The following GLIS3 variants were observed in gnomAD, a reference collection of about 807,000 sequenced individuals.
GLIS3 encodes GLIS family zinc finger 3.
Under a neutral mutation model 78.6 loss-of-function variants are expected in GLIS3, and 53 were observed. The ratio of observed to expected loss-of-function variants is 0.67; its 90% CI spans 0.54 to 0.85. The LOEUF is 0.85. Among genes scored for constraint, GLIS3 ranks in the 40% least tolerant of loss-of-function variants. The pLI, the probability that GLIS3 is intolerant of heterozygous loss-of-function variation, is 0.00. For synonymous variants in GLIS3, 684 were observed against 509.9 expected (o/e 1.34, Z -4.60); for missense variants, 1,703 against 1,231.1 (o/e 1.38, Z -5.74).
In GLIS3 at chr9:3,829,312, G is replaced by A. The variant is rs1164727475; in HGVS notation, c.2654C>T (p.Thr885Ile). 4 of 1,613,814 alleles carry A rather than the reference G, an allele frequency of 2.5e-6. No individual in the cohort carries two copies. Among genetic ancestry groups the A allele is most frequent in the East Asian group, 2.2e-5 (1 of 44,832 alleles). The change falls in exon 10 of 11, where the codon ACA (threonine) becomes ATA (isoleucine). Residue 885 changes from threonine (T) to isoleucine (I), a missense_variant and splice_region_variant. Physicochemically the swap from Thr to Ile is moderately conservative, Grantham distance 89. Transcript: ENST00000381971. Reference protein sequence around the residue: ...HRAFSTHSGITVYDLPSSSSS... With the variant: ...HRAFSTHSGIIVYDLPSSSSS... ...TAAGTCACAGACAACCAACACACCT[G>A]TAATGCCCGAGTGAGTCGAGAAGGC...
chr9:4,360,825 C>CA, the GLIS3 span, among the ~76,000 whole-genome samples: 2 of 152,214 alleles, frequency 1.3e-5, no homozygotes, highest in African/African-American at 4.8e-5. Context: ...TGGGAGCAGG[C>CA]ATTTCCTAGC....
chr9:4,152,291 T>G (rs1834744491), intron 2 of GLIS3: 4 of 165,638 alleles, frequency 2.4e-5, no homozygotes, highest in South Asian at 2.0e-4. Flanking sequence ...ACGACGGGGT[T>G]GCCAGGATAT....
intron 4 of GLIS3, among the ~76,000 whole-genome samples, chr9:4,077,065 C>T (rs1315726940): frequency 1.3e-5 from 2 of 150,716 alleles, no homozygotes; most frequent in Non-Finnish European, 2.9e-5. Context: ...TCTAAAAAAA[C>T]AATAACAACG....
At chr9:4,392,849 A>C in the GLIS3 span, among the ~76,000 whole-genome samples, 1 of 152,154 alleles carries the variant, frequency 6.6e-6, no homozygotes, top group Admixed American at 6.5e-5. Flanking sequence ...TTACACATAG[A>C]TGCCCTTTGC....
At chr9:4,224,941 T>C (rs1821642255) in intron 2 of GLIS3, among the ~76,000 whole-genome samples, 1 of 151,982 alleles carries the variant, frequency 6.6e-6, no homozygotes, top group Admixed American at 6.6e-5. Flanking sequence ...TCACTATGAG[T>C]ATCGTTATCA....
intron 1 of GLIS3, among the ~76,000 whole-genome samples, chr9:4,299,190 A>G (rs1243101369): frequency 6.6e-6 from 1 of 152,226 alleles, no homozygotes; most frequent in Non-Finnish European, 1.5e-5. Context: ...ACATGGTTTG[A>G]ACCCTAATTG....
chr9:3,919,038 G>C (rs1375665799), intron 6 of GLIS3, among the ~76,000 whole-genome samples: 1 of 152,184 alleles, frequency 6.6e-6, no homozygotes, highest in African/African-American at 2.4e-5. Flanking sequence ...ATGGGGGACA[G>C]TGACCATGTG....
chr9:4,449,184 G>A, the GLIS3 span, among the ~76,000 whole-genome samples: 57 of 152,284 alleles, frequency 3.7e-4, no homozygotes, highest in South Asian at 1.2e-3. Flanking sequence ...GCATGGCTTG[G>A]CGGATCCCAA....
intron 4 of GLIS3, among the ~76,000 whole-genome samples, chr9:4,003,946 T>TGG (rs1363611343): frequency 6.6e-6 from 1 of 152,218 alleles, no homozygotes; most frequent in Admixed American, 6.5e-5. Flanking sequence ...TTTTCATTAG[T>TGG]ACATTCCACT....
chr9:4,411,203 C>T, the GLIS3 span, among the ~76,000 whole-genome samples: 1 of 152,174 alleles, frequency 6.6e-6, no homozygotes, highest in Non-Finnish European at 1.5e-5. Context: ...AATTCACTCA[C>T]ACTTTTTCTC....
At chr9:4,148,351 T>C (rs7030351) in intron 2 of GLIS3, among the ~76,000 whole-genome samples, 101,119 of 151,812 alleles carry the variant, frequency 0.67, 34,075 homozygotes, top group South Asian at 0.73. Context: ...AAATCCCTGG[T>C]CACCACATCC....
upstream of GLIS3, among the ~76,000 whole-genome samples, chr9:4,302,930 G>A (rs138542092): frequency 2.2e-4 from 34 of 152,236 alleles, no homozygotes; most frequent in African/African-American, 8.2e-4. Flanking sequence ...AAGCAAAGGA[G>A]ACCATTTCAA....
intron 4 of GLIS3, among the ~76,000 whole-genome samples, chr9:3,978,722 T>C (rs1291855797): frequency 1.3e-5 from 2 of 152,074 alleles, no homozygotes; most frequent in Non-Finnish European, 2.9e-5. Flanking sequence ...AATTTGATTA[T>C]TATATTCGAA....
chr9:4,434,157 G>C, the GLIS3 span, among the ~76,000 whole-genome samples: 3 of 150,666 alleles, frequency 2.0e-5, no homozygotes, highest in Admixed American at 6.6e-5. Context: ...CCTCAGAATT[G>C]GGTACTCAGG....
chr9:4,307,043 C>T (rs540493317), intron 4 of GLIS3, among the ~76,000 whole-genome samples: 183 of 152,328 alleles, frequency 1.2e-3, no homozygotes, highest in Admixed American at 1.9e-3. Context: ...TATGAGTGAT[C>T]TGTTTAAGAC....
intron 4 of GLIS3, among the ~76,000 whole-genome samples, chr9:3,962,097 G>C (rs1028083322): frequency 6.6e-6 from 1 of 152,142 alleles, no homozygotes; most frequent in Non-Finnish European, 1.5e-5. Flanking sequence ...GTGCACACCT[G>C]TAGTCCTAGC....
intron 2 of GLIS3, among the ~76,000 whole-genome samples, chr9:4,189,331 G>A (rs1818109786): frequency 6.6e-6 from 1 of 152,126 alleles, no homozygotes; most frequent in Admixed American, 6.5e-5. Flanking sequence ...TTAATCCTGA[G>A]TTCTAGTTTG....
At chr9:3,914,739 A>G (rs547714797) in intron 6 of GLIS3, among the ~76,000 whole-genome samples, 1 of 152,312 alleles carries the variant, frequency 6.6e-6, no homozygotes, top group African/African-American at 2.4e-5. Context: ...CCCAAATTAT[A>G]CATTCCAGCC....
the GLIS3 span, among the ~76,000 whole-genome samples, chr9:4,364,951 T>G: frequency 6.6e-6 from 1 of 152,040 alleles, no homozygotes; most frequent in African/African-American, 2.4e-5. Context: ...ACCTGGCATT[T>G]GTTGCTTTTA....
Sources: allele counts gnomAD v4.1 joint callset (sites outside exome capture counted in the v4.1 genomes callset), GRCh38; gene constraint gnomAD v4.1.1; transcripts MANE v1.5; gene names NCBI Gene and HGNC (gene_info 2026-07-23, HGNC 2026-07-21).